The following ZBTB20 variants were observed in gnomAD, a reference collection of about 807,000 sequenced individuals.
The protein encoded by ZBTB20 is zinc finger and BTB domain containing 20, also known as zinc finger and BTB domain-containing protein 20.
A neutral mutation model predicts 56.9 loss-of-function variants in ZBTB20; 9 were observed. The observed-to-expected ratio is 0.16, with a 90% CI of 0.10 to 0.28. The LOEUF (loss-of-function observed/expected upper bound fraction) is 0.28, where lower values mean the gene tolerates loss of function less well. ZBTB20 is among the 10% of genes least tolerant of loss of function. The pLI, the probability that ZBTB20 is intolerant of heterozygous loss-of-function variation, is 1.00. For synonymous variants in ZBTB20, 417 were observed against 420.7 expected (o/e 0.99, Z 0.11); for missense variants, 655 against 1,003.0 (o/e 0.65, Z 4.69).
intron 10 of ZBTB20, among the ~76,000 whole-genome samples, chr3:114,352,272 GTATT>G (rs2080757966): frequency 6.6e-6 from 1 of 152,172 alleles, no homozygotes; most frequent in South Asian, 2.1e-4. Flanking sequence ...TTTTATTTAT[GTATT>G]TATTTACTTT....
chr3:115,082,920 C>T (rs144601401), intron 1 of ZBTB20, among the ~76,000 whole-genome samples: 28 of 152,118 alleles, frequency 1.8e-4, no homozygotes, highest in African/African-American at 5.8e-4. Flanking sequence ...TTTACTCTGA[C>T]CATAAGGTAA....
At chr3:115,139,293 T>C (rs190854796) in intron 1 of ZBTB20, among the ~76,000 whole-genome samples, 2 of 152,126 alleles carry the variant, frequency 1.3e-5, no homozygotes, top group Admixed American at 1.3e-4. Context: ...TTCACTACCA[T>C]TCATACTAGC....
At chr3:115,058,996 C>T (rs1339056912) in intron 2 of ZBTB20, among the ~76,000 whole-genome samples, 1 of 152,070 alleles carries the variant, frequency 6.6e-6, no homozygotes, top group Non-Finnish European at 1.5e-5. Flanking sequence ...TTTTTTCATT[C>T]CAAATATATT....
intron 1 of ZBTB20, among the ~76,000 whole-genome samples, chr3:115,079,055 T>C (rs763647461): frequency 6.6e-6 from 1 of 152,198 alleles, no homozygotes; most frequent in Non-Finnish European, 1.5e-5. Context: ...ATTATTCTGT[T>C]TATACTGATA....
intron 10 of ZBTB20, among the ~76,000 whole-genome samples, chr3:114,353,141 T>C (rs1486367350): frequency 6.6e-6 from 1 of 152,190 alleles, no homozygotes; most frequent in Non-Finnish European, 1.5e-5. Flanking sequence ...GATTCCCCAT[T>C]CTTGCCTTTA....
chr3:115,044,479 A>G (rs1037396499), intron 2 of ZBTB20, among the ~76,000 whole-genome samples: 1 of 152,266 alleles, frequency 6.6e-6, no homozygotes, highest in African/African-American at 2.4e-5. Context: ...GGCAAAATAA[A>G]TGACAGTGAA....
intron 1 of ZBTB20, among the ~76,000 whole-genome samples, chr3:115,071,650 T>A (rs768511978): frequency 2.0e-5 from 3 of 152,174 alleles, no homozygotes; most frequent in Admixed American, 2.0e-4. Context: ...GTTCAAGTGC[T>A]TTAATTGGAT....
intron 3 of ZBTB20, among the ~76,000 whole-genome samples, chr3:114,946,965 A>C (rs1026245454): frequency 6.9e-6 from 1 of 145,880 alleles, no homozygotes; most frequent in Non-Finnish European, 1.5e-5. Flanking sequence ...TAACAACGAC[A>C]AAACAAATAA....
intron 3 of ZBTB20, among the ~76,000 whole-genome samples, chr3:114,953,426 T>TATC (rs1293005852): frequency 1.3e-5 from 2 of 151,954 alleles, no homozygotes; most frequent in African/African-American, 4.8e-5. Flanking sequence ...AGACAGAGAT[T>TATC]ATCAGAACGG....
At chr3:114,754,835 A>G (rs2067882605) in intron 5 of ZBTB20, among the ~76,000 whole-genome samples, 1 of 152,234 alleles carries the variant, frequency 6.6e-6, no homozygotes, top group Non-Finnish European at 1.5e-5. Flanking sequence ...ATGAGCAGGC[A>G]ATCACATATT....
At chr3:114,687,210 T>G (rs977495723) in intron 6 of ZBTB20, 2 of 151,926 alleles carry the variant, frequency 1.3e-5, no homozygotes, top group Non-Finnish European at 2.9e-5. Context: ...CTGAAATGTT[T>G]TTTTTTTTTT....
At chr3:115,131,973 GT>G (rs1210837337) in intron 1 of ZBTB20, among the ~76,000 whole-genome samples, 1 of 152,038 alleles carries the variant, frequency 6.6e-6, no homozygotes, top group African/African-American at 2.4e-5. Flanking sequence ...TCTGGTATGT[GT>G]AATACAAGTC....
intron 6 of ZBTB20, among the ~76,000 whole-genome samples, chr3:114,659,969 C>T (rs1037184954): frequency 1.3e-5 from 2 of 151,886 alleles, no homozygotes; most frequent in African/African-American, 4.8e-5. Flanking sequence ...TTTGTCTTTT[C>T]TTATTTAATA....
At chr3:114,653,898 T>C (rs1035219294) in intron 6 of ZBTB20, among the ~76,000 whole-genome samples, 2 of 151,960 alleles carry the variant, frequency 1.3e-5, no homozygotes, top group Non-Finnish European at 2.9e-5. Context: ...GTTGAAATTA[T>C]TGACATGAAG....
chr3:114,594,585 T>A (rs535008711), intron 6 of ZBTB20, among the ~76,000 whole-genome samples: 1 of 152,278 alleles, frequency 6.6e-6, no homozygotes, highest in South Asian at 2.1e-4. Context: ...TTCCTGTTTC[T>A]TCCTCTGCTC....
At chr3:114,818,785 C>G (rs903710072) in intron 4 of ZBTB20, among the ~76,000 whole-genome samples, 2 of 151,478 alleles carry the variant, frequency 1.3e-5, no homozygotes, top group African/African-American at 4.8e-5. Context: ...AAGAAATATG[C>G]CCTCTACCAC....
At chr3:114,518,911 A>C (rs1198445390) in intron 6 of ZBTB20, 2 of 152,194 alleles carry the variant, frequency 1.3e-5, no homozygotes, top group Non-Finnish European at 2.9e-5. Context: ...CTTACAGTGC[A>C]CAGGACAGCC....
chr3:114,384,914 T>C (rs1333532471), intron 8 of ZBTB20, among the ~76,000 whole-genome samples: 4 of 152,234 alleles, frequency 2.6e-5, no homozygotes, highest in African/African-American at 4.8e-5. Context: ...TTTGCACATA[T>C]TGCACACATA....
chr3:114,334,872 G>A lies in ZBTB20; in HGVS notation c.*4133C>T, dbSNP rs1253177726. 19 of 152,182 alleles carry A rather than the reference G, an allele frequency of 1.2e-4. No homozygotes were observed. The highest frequency in any genetic ancestry group is 1.2e-3 in the Admixed American group (19 of 15,280). The allele number at this position is 152,182 out of a possible 1,614,324, so 9.4% of individuals were successfully genotyped here. On this transcript the variant is annotated 3_prime_UTR_variant, in exon 12 of 12. Coordinates refer to ENST00000675478, the MANE Select transcript of ZBTB20 (RefSeq NM_001348800.3). Reference sequence around the variant, plus strand: ...AGATACAGGAAACCATTTTGATACAGAGATTTTCATTTCAGATTTTTTTTC... The same window carrying A: ...AGATACAGGAAACCATTTTGATACAAAGATTTTCATTTCAGATTTTTTTTC...
Sources: gnomAD v4.1 joint callset for allele counts (sites outside exome capture counted in the v4.1 genomes callset) on GRCh38, gnomAD v4.1.1 for gene constraint, MANE v1.5 for transcripts, NCBI Gene and HGNC (gene_info 2026-07-23, HGNC 2026-07-21) for gene names.